The following KHDRBS2 variants were observed in gnomAD, a reference collection of about 807,000 sequenced individuals.
The protein encoded by KHDRBS2 is KH RNA binding domain containing, signal transduction associated 2, also known as KH domain-containing, RNA-binding, signal transduction-associated protein 2.
In KHDRBS2, 26 loss-of-function variants were observed where a neutral mutation model predicts 44.3. The observed-to-expected ratio is 0.59, with a 90% CI of 0.43 to 0.81. KHDRBS2 has a LOEUF of 0.81. Among genes scored for constraint, KHDRBS2 ranks in the 40% least tolerant of loss-of-function variants. The pLI is 0.00. For synonymous variants in KHDRBS2, 194 were observed against 151.1 expected (o/e 1.28, Z -2.08); for missense variants, 476 against 433.1 (o/e 1.10, Z -0.88).
At chr6:61,829,314 G>T (rs535087368) in intron 6 of KHDRBS2, among the ~76,000 whole-genome samples, 193 of 152,018 alleles carry the variant, frequency 1.3e-3, no homozygotes, top group African/African-American at 4.4e-3. Context: ...GGCGCCCACC[G>T]CCACGCTCAG....
At chr6:62,167,549 A>AT (rs530812279) in intron 2 of KHDRBS2, among the ~76,000 whole-genome samples, 4 of 152,000 alleles carry the variant, frequency 2.6e-5, no homozygotes, top group Non-Finnish European at 2.9e-5. Context: ...AGCAATTTGA[A>AT]TTTTTTTTCC....
At chr6:62,080,817 T>C (rs1797246001) in intron 2 of KHDRBS2, among the ~76,000 whole-genome samples, 1 of 152,028 alleles carries the variant, frequency 6.6e-6, no homozygotes, top group Admixed American at 6.6e-5. Flanking sequence ...ATAGAGTAAC[T>C]GGAGTGCTTA....
intron 4 of KHDRBS2, among the ~76,000 whole-genome samples, chr6:61,951,741 C>T (rs1396284015): frequency 6.6e-6 from 1 of 152,018 alleles, no homozygotes; most frequent in African/African-American, 2.4e-5. Context: ...ATAAAGTGAC[C>T]TTGACAGAGC....
intron 2 of KHDRBS2, among the ~76,000 whole-genome samples, chr6:62,161,574 G>C (rs1216824292): frequency 3.3e-4 from 2 of 6,122 alleles, no homozygotes; most frequent in Non-Finnish European, 9.7e-4. Flanking sequence ...TGGTATTTGC[G>C]GGGGGGGGGG....
chr6:62,021,613 C>A (rs1483029863), intron 3 of KHDRBS2, among the ~76,000 whole-genome samples: 1 of 151,456 alleles, frequency 6.6e-6, no homozygotes, highest in African/African-American at 2.4e-5. Flanking sequence ...GGTAATGAAA[C>A]CCAGGGACCA....
At chr6:61,650,776 C>G in the KHDRBS2 span, among the ~76,000 whole-genome samples, 1 of 151,516 alleles carries the variant, frequency 6.6e-6, no homozygotes, top group Non-Finnish European at 1.5e-5. Context: ...TTTTGTAGAC[C>G]AAAGAAGATA....
intron 2 of KHDRBS2, among the ~76,000 whole-genome samples, chr6:62,099,402 C>A (rs928665486): frequency 2.0e-4 from 30 of 152,132 alleles, no homozygotes; most frequent in Admixed American, 1.5e-3. Context: ...TAGTATGTTG[C>A]CACTTTTTCA....
chr6:61,781,180 T>G (rs1008074289), intron 6 of KHDRBS2, among the ~76,000 whole-genome samples: 1 of 152,144 alleles, frequency 6.6e-6, no homozygotes, highest in East Asian at 1.9e-4. Flanking sequence ...TCCCTTGCAT[T>G]TTATCTCCAA....
intron 6 of KHDRBS2, among the ~76,000 whole-genome samples, chr6:61,835,710 C>CGTGTGTGTGTGT (rs3078000): frequency 4.1e-5 from 6 of 145,570 alleles, no homozygotes; most frequent in African/African-American, 1.3e-4. Flanking sequence ...TTGATGTGTG[C>CGTGTGTGTGTGT]GTGTGTGTGT....
At chr6:61,595,056 C>A in the KHDRBS2 span, among the ~76,000 whole-genome samples, 1 of 152,236 alleles carries the variant, frequency 6.6e-6, no homozygotes, top group South Asian at 2.1e-4. Flanking sequence ...TCTCTCCCCA[C>A]TGTTTTTTGA....
the KHDRBS2 span, among the ~76,000 whole-genome samples, chr6:61,560,229 C>T: frequency 0.012 from 1,826 of 152,140 alleles, 36 homozygotes; most frequent in African/African-American, 0.042. Flanking sequence ...AAAAAATCAA[C>T]GATCCTTTCT....
At chr6:62,110,675 A>G (rs1804793370) in intron 2 of KHDRBS2, among the ~76,000 whole-genome samples, 2 of 152,102 alleles carry the variant, frequency 1.3e-5, no homozygotes, top group Non-Finnish European at 1.5e-5. Context: ...ATTTATGTAT[A>G]GTACTGAAAA....
chr6:62,134,144 A>G (rs1348430928), intron 2 of KHDRBS2, among the ~76,000 whole-genome samples: 1 of 152,174 alleles, frequency 6.6e-6, no homozygotes, highest in Non-Finnish European at 1.5e-5. Context: ...ACCTCTTATT[A>G]CAGACCCAGA....
At chr6:62,146,500 C>T (rs867614430) in intron 2 of KHDRBS2, among the ~76,000 whole-genome samples, 50 of 151,692 alleles carry the variant, frequency 3.3e-4, no homozygotes, top group Middle Eastern at 3.4e-3. Context: ...AATTCCCTTA[C>T]ATACTTGTCA....
intron 1 of KHDRBS2, among the ~76,000 whole-genome samples, chr6:62,194,556 A>G (rs1362989201): frequency 1.1e-4 from 15 of 131,216 alleles, no homozygotes; most frequent in East Asian, 2.2e-4. Context: ...GCTGGAGTAG[A>G]CAGGCACAAT....
intron 2 of KHDRBS2, among the ~76,000 whole-genome samples, chr6:62,139,444 T>A (rs1812295058): frequency 1.3e-5 from 2 of 150,656 alleles, no homozygotes; most frequent in South Asian, 2.1e-4. Flanking sequence ...TCCCAGTTAC[T>A]TGGGAGGCTG....
At position 61,770,534 on chromosome 6, in the gene KHDRBS2, C is replaced by T. The variant is rs183959154; in HGVS notation, c.811-37770G>A. Among the ~76,000 whole-genome samples, 331 of 152,056 alleles carry T rather than the reference C, an allele frequency of 2.2e-3. 4 individuals carry two copies. Among genetic ancestry groups the T allele is most frequent in the Admixed American group, 1.5e-3 (23 of 15,270 alleles). On this transcript the variant is annotated intron_variant, in intron 6 of 8. Transcript: ENST00000281156. ...AAACCAAGGCACGAGAGCTATGTGA[C>T]GAATGCAGAAGCCTCAGTAGACGAT...
the KHDRBS2 span, among the ~76,000 whole-genome samples, chr6:61,559,578 G>A: frequency 6.6e-6 from 1 of 151,944 alleles, no homozygotes; most frequent in Non-Finnish European, 1.5e-5. Context: ...GTATTCATTG[G>A]ATGTTTTTTC....
At chr6:61,585,985 T>C in the KHDRBS2 span, among the ~76,000 whole-genome samples, 10 of 152,232 alleles carry the variant, frequency 6.6e-5, no homozygotes, top group East Asian at 1.5e-3. Context: ...TTGGTAGCCT[T>C]CTCCAGACTA....
Sources: allele counts gnomAD v4.1 joint callset (sites outside exome capture counted in the v4.1 genomes callset), GRCh38; gene constraint gnomAD v4.1.1; transcripts MANE v1.5; gene names NCBI Gene and HGNC (gene_info 2026-07-23, HGNC 2026-07-21).